Variants in NEBL observed in about 807,000 individuals in gnomAD.
NEBL encodes LIM and SH3 protein 2.
Under a neutral mutation model 140.2 loss-of-function variants are expected in NEBL, and 122 were observed. That is an observed-to-expected ratio of 0.87 (90% CI 0.75 to 1.01). NEBL has a LOEUF of 1.01. Ranked by LOEUF, NEBL falls within the 50% of genes least tolerant of loss-of-function variation. The pLI, the probability that NEBL is intolerant of heterozygous loss-of-function variation, is 0.00. For synonymous variants in NEBL, 436 were observed against 398.9 expected (o/e 1.09, Z -1.11); for missense variants, 1,365 against 1,231.3 (o/e 1.11, Z -1.62).
At chr10:20,924,454 T>A (rs549135230) in intron 4 of NEBL, among the ~76,000 whole-genome samples, 132 of 148,002 alleles carry the variant, frequency 8.9e-4, no homozygotes, top group African/African-American at 3.0e-3. Flanking sequence ...CACCTTTCCT[T>A]TGCTTTGCAC....
chr10:20,834,789 C>G (rs996500730), intron 14 of NEBL, among the ~76,000 whole-genome samples: 3 of 152,186 alleles, frequency 2.0e-5, no homozygotes, highest in South Asian at 4.1e-4. Context: ...CTTTTATATT[C>G]TCAGATTTTC....
chr10:21,243,884 A>G (rs1269875515), intron 3 of NEBL, among the ~76,000 whole-genome samples: 1 of 149,736 alleles, frequency 6.7e-6, no homozygotes, highest in Non-Finnish European at 1.5e-5. Context: ...CAAAAAAAGA[A>G]AGAGAGAGAG....
At chr10:21,073,318 G>A (rs1835902855) in intron 2 of NEBL, among the ~76,000 whole-genome samples, 1 of 144,204 alleles carries the variant, frequency 6.9e-6, no homozygotes, top group South Asian at 2.2e-4. Context: ...GTGAGACCCT[G>A]TCTCAAAAAA....
chr10:21,271,219 A>G (rs1221329500), intron 1 of NEBL, among the ~76,000 whole-genome samples: 7 of 152,226 alleles, frequency 4.6e-5, no homozygotes, highest in Non-Finnish European at 1.0e-4. Flanking sequence ...ATGAACCTAG[A>G]GGATGTTATG....
chr10:21,252,641 A>G (rs942331617), intron 1 of NEBL, among the ~76,000 whole-genome samples: 6 of 152,172 alleles, frequency 3.9e-5, no homozygotes, highest in African/African-American at 1.2e-4. Flanking sequence ...ATATACAAGT[A>G]GAATATCTTG....
intron 14 of NEBL, among the ~76,000 whole-genome samples, chr10:20,833,459 T>C (rs1056825367): frequency 1.3e-5 from 2 of 152,208 alleles, no homozygotes; most frequent in African/African-American, 4.8e-5. Flanking sequence ...GACATGACTA[T>C]GATTATATGC....
At chr10:21,288,809 CGT>C (rs76161328) in intron 1 of NEBL, among the ~76,000 whole-genome samples, 1,325 of 56,502 alleles carry the variant, frequency 0.023, 177 homozygotes, top group African/African-American at 0.063. Flanking sequence ...ACAATATATA[CGT>C]GTGTGTGTGT....
intron 21 of NEBL, among the ~76,000 whole-genome samples, chr10:20,816,609 A>C (rs1161478083): frequency 1.3e-5 from 2 of 152,222 alleles, no homozygotes; most frequent in Non-Finnish European, 1.5e-5. Context: ...AACTGGTAAA[A>C]TGACTTTAAA....
chr10:20,839,947 T>C (rs1029442681), intron 13 of NEBL, among the ~76,000 whole-genome samples: 7 of 152,172 alleles, frequency 4.6e-5, no homozygotes, highest in African/African-American at 1.7e-4. Flanking sequence ...AACCAAGAGA[T>C]GGAGGAAGAG....
intron 20 of NEBL, chr10:20,818,556 A>AG (rs1838966734): frequency 6.5e-6 from 1 of 153,732 alleles, no homozygotes; most frequent in African/African-American, 2.4e-5. Context: ...ATGCCAGTCA[A>AG]GCCAGGTCTT....
chr10:21,111,405 G>A (rs895687066), intron 2 of NEBL, among the ~76,000 whole-genome samples: 1 of 152,034 alleles, frequency 6.6e-6, no homozygotes, highest in Non-Finnish European at 1.5e-5. Context: ...ATAGACCAAT[G>A]GAACAGAACA....
intron 25 of NEBL, among the ~76,000 whole-genome samples, chr10:20,809,544 A>C (rs1050662581): frequency 2.6e-5 from 4 of 152,212 alleles, no homozygotes; most frequent in Non-Finnish European, 4.4e-5. Flanking sequence ...CTGTATTTGT[A>C]AACCCAGAAA....
chr10:21,089,040 G>T (rs1037403726), intron 2 of NEBL, among the ~76,000 whole-genome samples: 6 of 152,196 alleles, frequency 3.9e-5, no homozygotes, highest in Non-Finnish European at 5.9e-5. Context: ...GAGAGATGGT[G>T]CAGTGACAGA....
At chr10:20,888,603 G>T (rs1846745383) in intron 3 of NEBL, among the ~76,000 whole-genome samples, 1 of 152,166 alleles carries the variant, frequency 6.6e-6, no homozygotes, top group Non-Finnish European at 1.5e-5. Context: ...TTTTATTCAG[G>T]TCTTCTCAGC....
chr10:20,838,097 G>A (rs138282037), intron 13 of NEBL, among the ~76,000 whole-genome samples: 1 of 152,216 alleles, frequency 6.6e-6, no homozygotes, highest in African/African-American at 2.4e-5. Context: ...TTACTTTCAA[G>A]GCTTATTATT....
chr10:20,989,110 T>C (rs1837363877), intron 3 of NEBL, among the ~76,000 whole-genome samples: 1 of 152,238 alleles, frequency 6.6e-6, no homozygotes, highest in Non-Finnish European at 1.5e-5. Flanking sequence ...GTCACTTATT[T>C]AAATAAGTGG....
At position 21,255,981 on chromosome 10, in the gene NEBL, CA is replaced by C. The variant is rs774590730; in HGVS notation, n.183-4154del. Among the ~76,000 whole-genome samples the C allele has an allele frequency of 1.9e-3, 232 of 122,574 alleles. 1 individual carries two copies. The highest frequency in any genetic ancestry group is 4.6e-3 in the African/African-American group (152 of 33,196). The allele number at this position is 122,574 out of a possible 152,430, so 80.4% of individuals were successfully genotyped here. A position where few individuals can be genotyped will look rare whatever the true frequency, so the allele number is the denominator to read the frequency against. ...TGGGCGACAGAGCGAGACTCTGTCTCAAAAAAAAAAAAGAAAAAGAAAAAAA... is the reference window on the plus strand; with the variant it reads ...TGGGCGACAGAGCGAGACTCTGTCTCAAAAAAAAAAAGAAAAAGAAAAAAA... On this transcript the variant is annotated intron_variant and non_coding_transcript_variant, in intron 1 of 8. Transcript: ENST00000675702.
chr10:21,120,680 C>A (rs1357531120), intron 2 of NEBL, among the ~76,000 whole-genome samples: 60 of 71,236 alleles, frequency 8.4e-4, no homozygotes, highest in South Asian at 3.2e-3. Flanking sequence ...TTCATGACAG[C>A]AAAAAAAAAA....
At chr10:20,886,179 TA>T (rs963796441) in intron 4 of NEBL, among the ~76,000 whole-genome samples, 3 of 151,830 alleles carry the variant, frequency 2.0e-5, no homozygotes, top group African/African-American at 2.4e-5. Context: ...CCCCAGAACT[TA>T]AAAAAAATTT....
Sources: gnomAD v4.1 joint callset for allele counts (sites outside exome capture counted in the v4.1 genomes callset) on GRCh38, gnomAD v4.1.1 for gene constraint, MANE v1.5 for transcripts, NCBI Gene and HGNC (gene_info 2026-07-23, HGNC 2026-07-21) for gene names.